PRDM10: variants seen among roughly 807,000 people sequenced by gnomAD.
The protein encoded by PRDM10 is PR/SET domain 10.
PRDM10 carries 65 observed loss-of-function variants against 133.1 expected under a neutral mutation model. The ratio of observed to expected loss-of-function variants is 0.49; its 90% CI spans 0.40 to 0.60. The LOEUF is 0.60. Ranked by LOEUF, PRDM10 falls within the 20% of genes least tolerant of loss-of-function variation. The pLI, the probability that PRDM10 is intolerant of heterozygous loss-of-function variation, is 0.00. For missense variants in PRDM10, 1,137 were observed against 1,507.1 expected (o/e 0.75, Z 4.07); for synonymous variants, 582 against 580.4 (o/e 1.00, Z -0.04).
chr11:129,969,639 C>CAA lies in PRDM10; in HGVS notation c.-118-8559_-118-8558dup, dbSNP rs140612028. ...TGAAACCCCATCTCTACTAGAAATACAAAAAAAAAAAAAAAAAATTAGCCG... is the reference window on the plus strand; with the variant it reads ...TGAAACCCCATCTCTACTAGAAATACAAAAAAAAAAAAAAAAAAAATTAGCCG... On this transcript the variant is annotated intron_variant, in intron 1 of 20. Transcript: ENST00000360871. 4.4e-3 allele frequency among the ~76,000 whole-genome samples: 451 copies of CAA among 103,454 alleles called. 3 individuals carry two copies. The highest frequency in any genetic ancestry group is 0.013 in the African/African-American group (414 of 32,898). The allele number at this position is 103,454 out of a possible 152,430, so 67.9% of individuals were successfully genotyped here.
chr11:129,905,154 G>A (rs1436394112), intron 20 of PRDM10, among the ~76,000 whole-genome samples: 2 of 152,042 alleles, frequency 1.3e-5, no homozygotes, highest in Non-Finnish European at 2.9e-5. Flanking sequence ...ATGAGGTCAG[G>A]AGATCAAGAT....
At chr11:129,962,016 G>A (rs1591665961) in intron 1 of PRDM10, among the ~76,000 whole-genome samples, 2 of 152,148 alleles carry the variant, frequency 1.3e-5, no homozygotes, top group South Asian at 4.1e-4. Flanking sequence ...GTCTCAAGAT[G>A]AGAGGAAGGC....
intron 1 of PRDM10, among the ~76,000 whole-genome samples, chr11:129,972,238 C>T (rs1004753222): frequency 6.6e-5 from 10 of 152,338 alleles, no homozygotes; most frequent in East Asian, 3.9e-4. Flanking sequence ...GGAGCTGGCT[C>T]TGGCCTTGGC....
intron 1 of PRDM10, among the ~76,000 whole-genome samples, chr11:129,978,792 C>T (rs1937934645): frequency 6.6e-6 from 1 of 152,214 alleles, no homozygotes; most frequent in Non-Finnish European, 1.5e-5. Context: ...CAAGTAGGCA[C>T]GCAAGCAAAT....
rs1375553972 is a variant in PRDM10, at chr11:129,957,751, C to T, written c.229G>A (p.Ala77Thr). 3 of 1,610,008 alleles carry T rather than the reference C, an allele frequency of 1.9e-6. No individual in the cohort carries two copies. ...ACAGATAACCCTTCACATGCCTGTG[C>T]AGCTTCCACCGGGTGGATGTACACC... Reference protein sequence around the residue: ...TLVYIHPVEAAQTLFTDPGQV... With the variant: ...TLVYIHPVEATQTLFTDPGQV... Residue 77 changes from alanine to threonine, a missense_variant, in exon 3 of 21, where the codon GCA becomes ACA. Physicochemically the swap from Ala to Thr is moderately conservative, Grantham distance 58. Around this residue, in one of 6 missense-constraint regions of PRDM10, gnomAD observed 635 missense variants for 835.2 expected, o/e 0.76. Transcript: ENST00000360871.
At chr11:129,955,228 C>T (rs1476080101) in intron 4 of PRDM10, among the ~76,000 whole-genome samples, 1 of 152,102 alleles carries the variant, frequency 6.6e-6, no homozygotes, top group Non-Finnish European at 1.5e-5. Flanking sequence ...TTTTAAACCT[C>T]ATGATTATTC....
At position 129,923,963 on chromosome 11, in the gene PRDM10, T is replaced by A. The variant is rs1167209109; in HGVS notation, c.1879-560A>T. Reference sequence around the variant, plus strand: ...ACATTACCGGTTTGTGAGAGCAATATGACGCTGGCGTCACTTCTCAACTGG... The same window carrying A: ...ACATTACCGGTTTGTGAGAGCAATAAGACGCTGGCGTCACTTCTCAACTGG... On this transcript the variant is annotated intron_variant, in intron 12 of 20. Coordinates refer to ENST00000360871, the MANE Select transcript of PRDM10 (RefSeq NM_199437.2). This position sits in a 1 kb window ranked among gnomAD's most constrained non-coding sequence, Gnocchi z 4.4. 6.6e-6 allele frequency among the ~76,000 whole-genome samples: 1 copy of A among 152,260 alleles called. No individual in the cohort carries two copies. Among genetic ancestry groups the A allele is most frequent in the Non-Finnish European group, 1.5e-5 (1 of 68,046 alleles).
At chr11:129,941,481 AAAC>A (rs1259407685) in intron 7 of PRDM10, among the ~76,000 whole-genome samples, 1 of 152,256 alleles carries the variant, frequency 6.6e-6, no homozygotes, top group East Asian at 1.9e-4. Flanking sequence ...CCATACATCT[AAAC>A]ATCTGTTTCC....
chr11:129,987,422 A>T (rs1376103691), intron 1 of PRDM10, among the ~76,000 whole-genome samples: 4 of 152,228 alleles, frequency 2.6e-5, no homozygotes, highest in Non-Finnish European at 5.9e-5. Context: ...TGGAACCCTC[A>T]TACACTACTG....
chr11:129,903,339 T>TAATAATAATAATAAA (rs1555100917), intron 20 of PRDM10, among the ~76,000 whole-genome samples: 116 of 137,020 alleles, frequency 8.5e-4, no homozygotes, highest in African/African-American at 2.6e-3. Context: ...ATAATAATAA[T>TAATAATAATAATAAA]AAATGGTTCC....
At chr11:129,949,449 C>T (rs1951521677) in intron 4 of PRDM10, among the ~76,000 whole-genome samples, 1 of 152,190 alleles carries the variant, frequency 6.6e-6, no homozygotes, top group African/African-American at 2.4e-5. Flanking sequence ...TATACTTCCT[C>T]CTCAAATTTA....
chr11:129,998,884 G>C (rs567779932), intron 1 of PRDM10, among the ~76,000 whole-genome samples: 5 of 150,534 alleles, frequency 3.3e-5, no homozygotes, highest in Non-Finnish European at 1.5e-5. Flanking sequence ...GTGCAGTGGC[G>C]TGATCTCGGC....
intron 4 of PRDM10, among the ~76,000 whole-genome samples, chr11:129,949,154 CAT>C (rs964769931): frequency 4.6e-5 from 7 of 152,232 alleles, no homozygotes; most frequent in African/African-American, 1.4e-4. Flanking sequence ...TGCGTTTTCA[CAT>C]GAGTCCATCT....
In PRDM10 at chr11:129,932,102, C is replaced by CTG; in HGVS notation, c.1285_1286dup (p.Gln429HisfsTer21). On this transcript the variant is annotated frameshift_variant and splice_region_variant, in exon 10 of 21. Coordinates refer to ENST00000360871, the MANE Select transcript of PRDM10 (RefSeq NM_199437.2). LOFTEE classifies it high-confidence loss of function. Reference sequence around the variant, plus strand: ...AGGGCTCCTTCCCGTCCCCCCGTACCTGTGTCCCATCGTCACTCTTTTCCC... The same window carrying CTG: ...AGGGCTCCTTCCCGTCCCCCCGTACCTGTGTGTCCCATCGTCACTCTTTTCCC... 6.2e-7 allele frequency: 1 copy of CTG among 1,613,824 alleles called. No individual in the cohort carries two copies. The highest frequency in any genetic ancestry group is 1.7e-5 in the Admixed American group (1 of 60,012).
rs1361991304 is a variant in PRDM10, at chr11:129,902,472, C to T, written c.3312G>A (p.Lys1104=). 1.9e-6 allele frequency: 3 copies of T among 1,614,168 alleles called. No homozygotes were observed. Residue 1104 remains lysine (K), a synonymous_variant, in exon 21 of 21, where the codon AAG becomes AAA. Coordinates refer to ENST00000360871, the MANE Select transcript of PRDM10 (RefSeq NM_199437.2). ...CTCCACCAGAGAGGGCAGAAGTTTG[C>T]TTTTCTTCCAATTCTGATTGACTTT... ...LSESQSELEE[K]QTSALSGGVQ... is the part of the protein sequence containing the mutation.
intron 4 of PRDM10, among the ~76,000 whole-genome samples, chr11:129,953,507 T>C (rs974748816): frequency 2.0e-5 from 3 of 152,156 alleles, no homozygotes; most frequent in East Asian, 1.9e-4. Flanking sequence ...TTGGCCAGGC[T>C]GGTCTCGAAC....
chr11:129,925,035 C>T lies in PRDM10; in HGVS notation c.1725G>A (p.Met575Ile). 6.2e-7 allele frequency: 1 copy of T among 1,614,198 alleles called. No individual in the cohort carries two copies. Among genetic ancestry groups the T allele is most frequent in the Non-Finnish European group, 8.5e-7 (1 of 1,180,036 alleles). Residue 575 changes from methionine (M) to isoleucine (I), a missense_variant, in exon 12 of 21, where the codon ATG becomes ATA. Coordinates refer to ENST00000360871, the MANE Select transcript of PRDM10 (RefSeq NM_199437.2). ...FISSTSLESHMKLHSDQKTYS... is the reference protein window; with the variant it reads ...FISSTSLESHIKLHSDQKTYS... ...AAGTCTTCTGGTCTGAGTGGAGCTT[C>T]ATGTGGCTCTCCAAGGATGTGCTGC...
chr11:129,977,540 C>T (rs1289958898), intron 1 of PRDM10, among the ~76,000 whole-genome samples: 1 of 152,166 alleles, frequency 6.6e-6, no homozygotes. Flanking sequence ...CCTCGGCCTC[C>T]CAAAGTGCTG....
At chr11:129,977,330 C>A (rs929884221) in intron 1 of PRDM10, among the ~76,000 whole-genome samples, 2 of 151,498 alleles carry the variant, frequency 1.3e-5, no homozygotes, top group African/African-American at 4.9e-5. Context: ...TGTCGCCAGG[C>A]TGGAATGCAG....
Sources: allele counts gnomAD v4.1 joint callset (sites outside exome capture counted in the v4.1 genomes callset), GRCh38; gene constraint gnomAD v4.1.1; regional missense constraint gnomAD v4.1.1; non-coding constraint Gnocchi (gnomAD v3.1); transcripts MANE v1.5; gene names NCBI Gene and HGNC (gene_info 2026-07-23, HGNC 2026-07-21).